The following GLI2 variants were observed in gnomAD, a reference collection of about 807,000 sequenced individuals.
GLI2 encodes GLI family zinc finger 2.
A neutral mutation model predicts 78.9 loss-of-function variants in GLI2; 22 were observed. The ratio of observed to expected loss-of-function variants is 0.28; its 90% CI spans 0.20 to 0.40. GLI2 has a LOEUF of 0.40. Among genes scored for constraint, GLI2 ranks in the 10% least tolerant of loss-of-function variants. The pLI is 1.00. For missense variants in GLI2, 2,097 were observed against 2,213.2 expected (o/e 0.95, Z 1.05); for synonymous variants, 974 against 963.7 (o/e 1.01, Z -0.20).
At chr2:120,747,991 C>G (rs752734346) in intron 1 of GLI2, among the ~76,000 whole-genome samples, 14 of 152,354 alleles carry the variant, frequency 9.2e-5, no homozygotes, top group Non-Finnish European at 1.8e-4. Context: ...ACTTATTAAG[C>G]TCACGGCTGT....
intron 2 of GLI2, among the ~76,000 whole-genome samples, chr2:120,837,492 T>C (rs1389972005): frequency 6.6e-6 from 1 of 152,186 alleles, no homozygotes; most frequent in Non-Finnish European, 1.5e-5. Context: ...TGGCATGGTT[T>C]ATTGAGACAA....
chr2:120,799,838 G>A (rs968496985), intron 2 of GLI2, among the ~76,000 whole-genome samples: 2 of 152,192 alleles, frequency 1.3e-5, no homozygotes, highest in African/African-American at 2.4e-5. Context: ...CACTGCCTGC[G>A]GGAGTACAGA....
chr2:120,840,876 A>G (rs1686836406), intron 2 of GLI2, among the ~76,000 whole-genome samples: 1 of 152,066 alleles, frequency 6.6e-6, no homozygotes, highest in African/African-American at 2.4e-5. Flanking sequence ...TGGTCGCTAA[A>G]AAGAGATCCA....
chr2:120,738,925 G>A (rs936864749), intron 1 of GLI2, among the ~76,000 whole-genome samples: 7 of 152,188 alleles, frequency 4.6e-5, no homozygotes, highest in Non-Finnish European at 1.0e-4. Context: ...TGGCCAGGCA[G>A]CCTTGGAGTG....
intron 8 of GLI2, among the ~76,000 whole-genome samples, chr2:120,974,198 T>C (rs1291736252): frequency 2.6e-5 from 4 of 152,086 alleles, no homozygotes; most frequent in Non-Finnish European, 5.9e-5. Flanking sequence ...TGACAGCCCT[T>C]GTAGGCCCTC....
intron 1 of GLI2, among the ~76,000 whole-genome samples, chr2:120,788,137 G>A (rs75852966): frequency 0.07 from 10,619 of 152,290 alleles, 440 homozygotes; most frequent in Admixed American, 0.12. Flanking sequence ...GAGGCTTAGG[G>A]AGAAGTTGAT....
intron 2 of GLI2, among the ~76,000 whole-genome samples, chr2:120,921,958 G>T (rs1679399496): frequency 6.6e-6 from 1 of 152,162 alleles, no homozygotes; most frequent in Non-Finnish European, 1.5e-5. Flanking sequence ...CTTCTCCAAA[G>T]AGGCTGACTT....
chr2:120,848,235 G>A (rs1342188845), intron 2 of GLI2, among the ~76,000 whole-genome samples: 1 of 152,214 alleles, frequency 6.6e-6, no homozygotes, highest in Non-Finnish European at 1.5e-5. Context: ...AGTCCTGGAA[G>A]GGGCGGCGGA....
In GLI2 at chr2:120,927,577, C is replaced by G. The variant is rs1022841898; in HGVS notation, c.254+111C>G. On this transcript the variant is annotated intron_variant, in intron 3 of 13. Transcript: ENST00000361492. The stretch of plus-strand genomic sequence containing the variant: ...GCCTCTGTCTTTCTTTTGGGGGTTC[C>G]TGATCTACATTGTCCTGAGCGGGCG... 3 of 795,316 alleles carry G rather than the reference C, an allele frequency of 3.8e-6. No homozygotes were observed. The African/African-American group carries it at 5.0e-5, about 13-fold the overall frequency. 49.3% of individuals were successfully genotyped at this position (795,316 alleles called of 1,614,324 possible). A position where few individuals can be genotyped will look rare whatever the true frequency, so the allele number is the denominator to read the frequency against.
intron 2 of GLI2, among the ~76,000 whole-genome samples, chr2:120,849,309 A>C (rs367769232): frequency 1.3e-5 from 2 of 152,228 alleles, no homozygotes; most frequent in Admixed American, 1.3e-4. Flanking sequence ...AATGGTTAAA[A>C]TGGTAAGTCT....
rs564927345 is a variant in GLI2 at position 120,863,439 on chromosome 2, T to C, written c.149-63922T>C. Among the ~76,000 whole-genome samples the C allele has an allele frequency of 2.0e-5, 3 of 152,370 alleles. No homozygotes were observed. In the East Asian group the frequency reaches 5.8e-4, roughly 29 times the overall value. The stretch of plus-strand genomic sequence containing the variant: ...CCACCACGGGCCGTCTCTCCTGCTA[T>C]GATGAGAGCCTGCCTTGCTTCAAGC... On this transcript the variant is annotated intron_variant, in intron 2 of 13. Coordinates refer to ENST00000361492, the MANE Select transcript of GLI2 (RefSeq NM_001374353.1).
chr2:120,978,821 A>G (rs1038171810), intron 10 of GLI2, among the ~76,000 whole-genome samples: 1 of 152,120 alleles, frequency 6.6e-6, no homozygotes, highest in Non-Finnish European at 1.5e-5. Context: ...CTCGGTAAGC[A>G]TGGCAAAAAT....
chr2:120,869,214 C>T (rs1325339427), intron 2 of GLI2, among the ~76,000 whole-genome samples: 3 of 152,182 alleles, frequency 2.0e-5, no homozygotes, highest in Admixed American at 6.5e-5. Context: ...GGGCACACTT[C>T]CCTAGCCAGT....
At chr2:120,889,192 A>C (rs1677562167) in intron 2 of GLI2, among the ~76,000 whole-genome samples, 1 of 152,184 alleles carries the variant, frequency 6.6e-6, no homozygotes, top group Admixed American at 6.5e-5. Flanking sequence ...AAAGGGCTGG[A>C]AGTCTGTGGG....
intron 2 of GLI2, among the ~76,000 whole-genome samples, chr2:120,860,353 C>A (rs1235650273): frequency 2.0e-5 from 3 of 152,196 alleles, no homozygotes; most frequent in African/African-American, 7.2e-5. Context: ...CCCTGGGCTT[C>A]TTCATCTGCA....
intron 2 of GLI2, among the ~76,000 whole-genome samples, chr2:120,830,901 C>G (rs1686326863): frequency 1.3e-5 from 2 of 151,808 alleles, no homozygotes; most frequent in Non-Finnish European, 1.5e-5. Flanking sequence ...CTCACTTGGT[C>G]CCTGTCCTGG....
At chr2:120,881,381 G>GCAA in intron 2 of GLI2, among the ~76,000 whole-genome samples, 1 of 152,026 alleles carries the variant, frequency 6.6e-6, no homozygotes, top group Non-Finnish European at 1.5e-5. Context: ...GGAGGACAGT[G>GCAA]GGGAGAGGGC....
intron 2 of GLI2, among the ~76,000 whole-genome samples, chr2:120,869,368 G>C (rs1688312817): frequency 6.6e-6 from 1 of 152,224 alleles, no homozygotes; most frequent in Admixed American, 6.5e-5. Flanking sequence ...AACAAATCAT[G>C]ATCCCCACCT....
rs1468837480 is a variant in GLI2 at position 120,736,251 on chromosome 2, A to T, written c.-65A>T. 1 of 151,846 alleles carries T rather than the reference A, an allele frequency of 6.6e-6. No individual in the cohort carries two copies. Among genetic ancestry groups the T allele is most frequent in the South Asian group, 2.1e-4 (1 of 4,796 alleles). 9.4% of individuals were successfully genotyped at this position (151,846 alleles called of 1,614,324 possible). Reference sequence around the variant, plus strand: ...GCCACCGCCCGGCGCCCGAGAGGCCACCTGCGTGCTAGAGGCAAACTTTTG... The same window carrying T: ...GCCACCGCCCGGCGCCCGAGAGGCCTCCTGCGTGCTAGAGGCAAACTTTTG... On this transcript the variant is annotated 5_prime_UTR_variant, in exon 1 of 14. Transcript: ENST00000361492.
Sources: allele counts gnomAD v4.1 joint callset (sites outside exome capture counted in the v4.1 genomes callset), GRCh38; gene constraint gnomAD v4.1.1; transcripts MANE v1.5; gene names NCBI Gene and HGNC (gene_info 2026-07-23, HGNC 2026-07-21).